SLC25A53: variants seen among roughly 807,000 people sequenced by gnomAD.
SLC25A53 encodes the protein mitochondrial carrier triple repeat protein 6.
SLC25A53 carries 5 observed loss-of-function variants against 15.0 expected under a neutral mutation model. That is an observed-to-expected ratio of 0.33 (90% CI 0.17 to 0.70). The LOEUF is 0.70. SLC25A53 is among the 30% of genes least tolerant of loss of function. The probability of loss-of-function intolerance (pLI) is 0.67; values close to 1 mark genes in which losing one functional copy is unlikely to be tolerated. For synonymous variants in SLC25A53, 95 were observed against 100.0 expected (o/e 0.95, Z 0.30); for missense variants, 216 against 241.6 (o/e 0.89, Z 0.70).
At chrX:104,138,398 G>A (rs1407467434) in intron 1 of SLC25A53, among the ~76,000 whole-genome samples, 1 of 112,595 alleles carries the variant, frequency 8.9e-6, no homozygotes, top group Non-Finnish European at 1.9e-5. Context: ...AATGGGGGGT[G>A]TAGCTCACTT....
At chrX:104,112,616 C>G (rs1204813231) in intron 1 of SLC25A53, 1 of 113,740 alleles carries the variant, frequency 8.8e-6, no homozygotes, top group African/African-American at 3.2e-5. Flanking sequence ...GCCTTGGGAA[C>G]CGTGCTGCCT....
chrX:104,111,542 A>G (rs1322870889), intron 1 of SLC25A53, among the ~76,000 whole-genome samples: 2 of 111,401 alleles, frequency 1.8e-5, no homozygotes, highest in Non-Finnish European at 3.8e-5. Flanking sequence ...AAAGAAAGAA[A>G]AGTACCAAGA....
At chrX:104,129,747 GTA>G (rs1272555537) in intron 1 of SLC25A53, among the ~76,000 whole-genome samples, 8 of 105,888 alleles carry the variant, frequency 7.6e-5, no homozygotes, top group Non-Finnish European at 1.3e-4. Context: ...TTTTATATAT[GTA>G]TATATATATA....
intron 1 of SLC25A53, chrX:104,114,361 A>T: frequency 8.3e-7 from 1 of 1,211,661 alleles, no homozygotes; most frequent in South Asian, 1.8e-5. Context: ...GGAAAAACTC[A>T]AGCGCTTGAT....
chrX:104,137,578 A>T (rs1226990041), intron 1 of SLC25A53, among the ~76,000 whole-genome samples: 1 of 111,405 alleles, frequency 9.0e-6, no homozygotes, highest in Non-Finnish European at 1.9e-5. Context: ...GGGGTCACAC[A>T]CATACTCTGA....
chrX:104,107,101 TC>T (rs1417486726), intron 1 of SLC25A53, among the ~76,000 whole-genome samples: 2 of 108,228 alleles, frequency 1.8e-5, no homozygotes, highest in African/African-American at 6.8e-5. Flanking sequence ...TCCATCCACA[TC>T]CCCACAATCT....
intron 1 of SLC25A53, among the ~76,000 whole-genome samples, chrX:104,123,638 G>A (rs782482398): frequency 9.2e-6 from 1 of 108,989 alleles, no homozygotes; most frequent in South Asian, 4.0e-4. Flanking sequence ...AGGTATACAC[G>A]TGCCATGGTG....
intron 1 of SLC25A53, chrX:104,115,558 T>C (rs782045121): frequency 1.0e-4 from 33 of 321,599 alleles, no homozygotes; most frequent in Non-Finnish European, 1.7e-4. Context: ...ATTTCTTTGA[T>C]GACTTTATAC....
At chrX:104,146,294 T>C (rs1485415198) in intron 1 of SLC25A53, among the ~76,000 whole-genome samples, 17 of 111,953 alleles carry the variant, frequency 1.5e-4, no homozygotes, top group Non-Finnish European at 2.3e-4. Context: ...TAGGTATTGA[T>C]GGAACATATC....
intron 1 of SLC25A53, among the ~76,000 whole-genome samples, chrX:104,156,175 T>C (rs956633295): frequency 2.7e-4 from 30 of 111,138 alleles, no homozygotes; most frequent in African/African-American, 5.6e-4. Flanking sequence ...TGGAGGAAAA[T>C]TGCACTTCGT....
At chrX:104,125,253 A>G (rs1164777929) in intron 1 of SLC25A53, among the ~76,000 whole-genome samples, 2 of 111,101 alleles carry the variant, frequency 1.8e-5, no homozygotes, top group East Asian at 2.8e-4. Flanking sequence ...AAACACAAAC[A>G]TATCTATTCT....
At chrX:104,143,557 A>C (rs2075457128) in intron 1 of SLC25A53, among the ~76,000 whole-genome samples, 1 of 112,096 alleles carries the variant, frequency 8.9e-6, no homozygotes, top group Admixed American at 9.5e-5. Context: ...TAGAGAAAAA[A>C]GAGTGAAAAG....
At chrX:104,129,516 C>T (rs968237154) in intron 1 of SLC25A53, among the ~76,000 whole-genome samples, 12 of 110,462 alleles carry the variant, frequency 1.1e-4, no homozygotes, top group Non-Finnish European at 1.5e-4. Flanking sequence ...AGATCGACTA[C>T]GAAAAGAACA....
At chrX:104,125,223 G>A (rs1031829807) in intron 1 of SLC25A53, among the ~76,000 whole-genome samples, 4 of 51,323 alleles carry the variant, frequency 7.8e-5, no homozygotes, top group Non-Finnish European at 1.5e-4. Context: ...GGTCTGGGGT[G>A]TGTTCTTCGG....
chrX:104,145,736 A>C (rs1280383996), intron 1 of SLC25A53, among the ~76,000 whole-genome samples: 1 of 112,319 alleles, frequency 8.9e-6, no homozygotes, highest in African/African-American at 3.2e-5. Context: ...CTGCACACAT[A>C]CACCTTCCCA....
At chrX:104,105,345 T>C (rs2075304009) in intron 1 of SLC25A53, 57 bp from the exon 2 acceptor site, 4 of 805,502 alleles carry the variant, frequency 5.0e-6, no homozygotes, top group Non-Finnish European at 7.0e-6. Flanking sequence ...TTGGCAAGCA[T>C]TTTCATTGCT....
At chrX:104,145,925 C>G (rs981230514) in intron 1 of SLC25A53, among the ~76,000 whole-genome samples, 2 of 112,013 alleles carry the variant, frequency 1.8e-5, no homozygotes, top group African/African-American at 6.5e-5. Flanking sequence ...TTCCAAACAA[C>G]AGAAAAAGAG....
chrX:104,112,058 T>C (rs2075347987), intron 1 of SLC25A53: 1 of 111,617 alleles, frequency 9.0e-6, no homozygotes, highest in Non-Finnish European at 1.9e-5. Flanking sequence ...CCTTTCCTGT[T>C]AAATGGGCAC....
At chrX:104,151,932 G>A (rs1479066487) in intron 1 of SLC25A53, among the ~76,000 whole-genome samples, 1 of 111,891 alleles carries the variant, frequency 8.9e-6, no homozygotes, top group Non-Finnish European at 1.9e-5. Flanking sequence ...GGAGGTGCAG[G>A]GTAAGTGCAC....
Sources: allele counts gnomAD v4.1 joint callset (sites outside exome capture counted in the v4.1 genomes callset), GRCh38; gene constraint gnomAD v4.1.1; transcripts MANE v1.5; gene names NCBI Gene and HGNC (gene_info 2026-07-23, HGNC 2026-07-21).